The following PLCG2 variants were observed in gnomAD, a reference collection of about 807,000 sequenced individuals.
PLCG2 encodes the protein 1-phosphatidylinositol 4,5-bisphosphate phosphodiesterase gamma-2.
Under a neutral mutation model 175.6 loss-of-function variants are expected in PLCG2, and 69 were observed. That is an observed-to-expected ratio of 0.39 (90% CI 0.32 to 0.48). The LOEUF is 0.48. Among genes scored for constraint, PLCG2 ranks in the 20% least tolerant of loss-of-function variants. The pLI is 0.91. For synonymous variants in PLCG2, 827 were observed against 624.0 expected, an observed-to-expected ratio of 1.33 and a Z score of -4.85; for missense variants, 1,798 against 1,650.9, an observed-to-expected ratio of 1.09 and a Z score of -1.54.
In PLCG2 at chr16:81,935,623, G is replaced by A. The variant is rs537951518; in HGVS notation, c.2843-546G>A. On this transcript the variant is annotated intron_variant, in intron 26 of 32. Coordinates refer to ENST00000564138, the MANE Select transcript of PLCG2 (RefSeq NM_002661.5). Reference sequence around the variant, plus strand: ...AGGAACTTCTACCTTCAGGGACTCAGCAGGCTCAGCATGTTGACTGCCGGG... The same window carrying A: ...AGGAACTTCTACCTTCAGGGACTCAACAGGCTCAGCATGTTGACTGCCGGG... 64 of 985,328 alleles carry A rather than the reference G, an allele frequency of 6.5e-5. No homozygotes were observed. The African/African-American group carries it at 1.0e-3, about 16-fold the overall frequency. 61.0% of individuals were successfully genotyped at this position (985,328 alleles called of 1,614,324 possible).
chr16:81,805,770 T>TTGTTTTG (rs796665978), intron 2 of PLCG2, among the ~76,000 whole-genome samples: 1 of 88,110 alleles, frequency 1.1e-5, no homozygotes, highest in Non-Finnish European at 2.5e-5. Flanking sequence ...TTGTTTTGTT[T>TTGTTTTG]TTTTTTTTTT....
At position 81,961,937 on chromosome 16, in the gene PLCG2, C is replaced by A. The variant is rs1007032551; in HGVS notation, c.*3939C>A. ...TAAGATTGCTGATCGGATGTGAGGG[C>A]GATCTGGCTGCGACATCTGTCACCC... On this transcript the variant is annotated 3_prime_UTR_variant, in exon 33 of 33. Coordinates refer to ENST00000564138, the MANE Select transcript of PLCG2 (RefSeq NM_002661.5). 2 of 198,440 alleles carry A rather than the reference C, an allele frequency of 1.0e-5. No homozygotes were observed. The allele number at this position is 198,440 out of a possible 1,614,324, so 12.3% of individuals were successfully genotyped here. A position where few individuals can be genotyped will look rare whatever the true frequency, so the allele number is the denominator to read the frequency against.
At position 81,876,036 on chromosome 16, in the gene PLCG2, TTG is replaced by T. The variant is rs1340179811; in HGVS notation, c.649-4872_649-4871del. Among the ~76,000 whole-genome samples the T allele has an allele frequency of 2.9e-4, 41 of 143,300 alleles. 1 individual carries two copies. The highest frequency in any genetic ancestry group is 5.9e-4 in the East Asian group (3 of 5,052). The allele number at this position is 143,300 out of a possible 152,430, so 94.0% of individuals were successfully genotyped here. On this transcript the variant is annotated intron_variant, in intron 7 of 32. Transcript: ENST00000564138. ...TCTTTCTTTTTTTTTTTTTTTTTTT[TTG>T]TTTTTGAGACAGGGTCTCACTTTGT...
chr16:81,833,281 C>T (rs947363364), intron 2 of PLCG2, among the ~76,000 whole-genome samples: 3 of 152,170 alleles, frequency 2.0e-5, no homozygotes, highest in African/African-American at 7.2e-5. Flanking sequence ...GTTAGAGTCA[C>T]TGGGCTCTGG....
chr16:81,748,264 C>G (rs1048150432), intron 1 of PLCG2, among the ~76,000 whole-genome samples: 1 of 152,138 alleles, frequency 6.6e-6, no homozygotes, highest in African/African-American at 2.4e-5. Context: ...GTGGCACATG[C>G]GTATAATCCC....
intron 2 of PLCG2, among the ~76,000 whole-genome samples, chr16:81,805,961 C>G (rs1912002916): frequency 6.6e-6 from 1 of 151,590 alleles, no homozygotes; most frequent in Admixed American, 6.6e-5. Context: ...TTAAAGTTTT[C>G]TAGTTGCCAC....
intron 24 of PLCG2, 100 bp from the exon 25 acceptor site, chr16:81,931,397 G>C: frequency 8.8e-7 from 1 of 1,135,796 alleles, no homozygotes; most frequent in Non-Finnish European, 1.3e-6. Context: ...CATAGCAGTG[G>C]TGGTTGGTCC....
intron 30 of PLCG2, among the ~76,000 whole-genome samples, chr16:81,944,016 G>A (rs1162983041): frequency 6.6e-6 from 1 of 152,104 alleles, no homozygotes; most frequent in Non-Finnish European, 1.5e-5. Context: ...AGCCAATGAA[G>A]GCATCCACGG....
In PLCG2 at chr16:81,803,997, G is replaced by T. The variant is rs1297268181; in HGVS notation, c.193+17815G>T. 2.0e-5 allele frequency among the ~76,000 whole-genome samples: 3 copies of T among 152,190 alleles called. No individual in the cohort carries two copies. In the East Asian group the frequency reaches 5.8e-4, roughly 29 times the overall value. On this transcript the variant is annotated intron_variant, in intron 2 of 32. Coordinates refer to ENST00000564138, the MANE Select transcript of PLCG2 (RefSeq NM_002661.5). ...TGCCTGGACTCTTTTTGGTTATTGT[G>T]AATAATACTGCGGTGGACATTCATG... is the stretch of plus-strand genomic sequence containing the variant.
At position 81,931,473 on chromosome 16, in the gene PLCG2, C is replaced by T. The variant is rs899837464; in HGVS notation, c.2582-24C>T. 4 of 1,610,648 alleles carry T rather than the reference C, an allele frequency of 2.5e-6. No individual in the cohort carries two copies. In the Admixed American group the frequency reaches 5.0e-5, roughly 20 times the overall value. ...TGGCCCTCTAATAGGCTGATTGGGACATTTCTTATTCTCTTACCCCAAGTG... is the reference window on the plus strand; with the variant it reads ...TGGCCCTCTAATAGGCTGATTGGGATATTTCTTATTCTCTTACCCCAAGTG... On this transcript the variant is annotated intron_variant, in intron 24 of 32. Transcript: ENST00000564138.
chr16:81,909,639 A>G (rs1156250277), intron 17 of PLCG2, among the ~76,000 whole-genome samples: 1 of 151,788 alleles, frequency 6.6e-6, no homozygotes, highest in African/African-American at 2.4e-5. Flanking sequence ...CTGGTTTTGA[A>G]CTCAGCTCAA....
At chr16:81,948,776 C>G (rs1221818516) in intron 31 of PLCG2, among the ~76,000 whole-genome samples, 1 of 152,174 alleles carries the variant, frequency 6.6e-6, no homozygotes, top group Non-Finnish European at 1.5e-5. Context: ...AGAGCAAAAA[C>G]TGCTGTGTTT....
intron 1 of PLCG2, among the ~76,000 whole-genome samples, chr16:81,743,514 C>T (rs1909641131): frequency 6.6e-6 from 1 of 152,206 alleles, no homozygotes. Context: ...TTTCCGGAGC[C>T]AGAGGCCACA....
intron 30 of PLCG2, among the ~76,000 whole-genome samples, chr16:81,940,459 G>T (rs4888194): frequency 3.9e-4 from 59 of 151,768 alleles, no homozygotes; most frequent in African/African-American, 1.1e-3. Flanking sequence ...TGGCATCTTG[G>T]GGGGGGAGTA....
chr16:81,953,138 A>T (rs1911434576), intron 31 of PLCG2, among the ~76,000 whole-genome samples: 1 of 152,230 alleles, frequency 6.6e-6, no homozygotes, highest in Non-Finnish European at 1.5e-5. Flanking sequence ...GTATTCTTCC[A>T]AAGTGTCCTG....
chr16:81,840,527 G>T (rs534908694), intron 2 of PLCG2, among the ~76,000 whole-genome samples: 1 of 152,188 alleles, frequency 6.6e-6, no homozygotes, highest in Admixed American at 6.5e-5. Context: ...CAACTAGACA[G>T]TTCTATCTGG....
chr16:81,748,564 G>A (rs889489929), intron 1 of PLCG2, among the ~76,000 whole-genome samples: 5 of 152,102 alleles, frequency 3.3e-5, no homozygotes, highest in Admixed American at 3.3e-4. Context: ...GACATTAGGG[G>A]TAAACAGGGG....
intron 2 of PLCG2, among the ~76,000 whole-genome samples, chr16:81,801,018 C>G (rs930865460): frequency 6.6e-6 from 1 of 152,134 alleles, no homozygotes; most frequent in Non-Finnish European, 1.5e-5. Context: ...GGAACTCATT[C>G]TCCCCTAGAG....
At chr16:81,768,756 G>T (rs1017468084) in intron 2 of PLCG2, among the ~76,000 whole-genome samples, 2 of 151,856 alleles carry the variant, frequency 1.3e-5, no homozygotes, top group Non-Finnish European at 2.9e-5. Context: ...TAGTAGAGAT[G>T]GGGTTTCACC....
Sources: gnomAD v4.1 joint callset for allele counts (sites outside exome capture counted in the v4.1 genomes callset) on GRCh38, gnomAD v4.1.1 for gene constraint, MANE v1.5 for transcripts, NCBI Gene and HGNC (gene_info 2026-07-23, HGNC 2026-07-21) for gene names.